Variants in DIS3L2 observed in about 807,000 individuals in gnomAD.
The protein encoded by DIS3L2 is DIS3 like 3'-5' exoribonuclease 2.
In DIS3L2, 34 loss-of-function variants were observed where a neutral mutation model predicts 97.5. The observed-to-expected ratio is 0.35, with a 90% confidence interval of 0.27 to 0.46. DIS3L2 has a LOEUF of 0.46. Ranked by LOEUF, DIS3L2 falls within the 20% of genes least tolerant of loss-of-function variation. The pLI is 1.00. For synonymous variants in DIS3L2, 435 were observed against 445.2 expected, an observed-to-expected ratio of 0.98 and a Z score of 0.29; for missense variants, 1,038 against 1,146.0, an observed-to-expected ratio of 0.91 and a Z score of 1.36.
chr2:232,116,480 T>C (rs542313288), intron 6 of DIS3L2, among the ~76,000 whole-genome samples: 75 of 152,360 alleles, frequency 4.9e-4, no homozygotes, highest in African/African-American at 1.5e-3. Flanking sequence ...CCTACTGTCA[T>C]TGATTCTTCT....
At chr2:232,075,549 G>T (rs1345429668) in intron 5 of DIS3L2, among the ~76,000 whole-genome samples, 1 of 151,990 alleles carries the variant, frequency 6.6e-6, no homozygotes, top group Non-Finnish European at 1.5e-5. Flanking sequence ...CCATATTATG[G>T]GTAACCCTCT....
intron 1 of DIS3L2, among the ~76,000 whole-genome samples, chr2:231,967,219 G>A (rs867936622): frequency 1.3e-5 from 2 of 152,200 alleles, no homozygotes; most frequent in Non-Finnish European, 2.9e-5. Flanking sequence ...TGGTAGACAC[G>A]GAGAGGTTGT....
downstream of DIS3L2, chr2:232,337,217 G>T: frequency 1.1e-6 from 1 of 900,534 alleles, no homozygotes; most frequent in Non-Finnish European, 1.3e-6. Context: ...CCATCACCCT[G>T]ACGAATGTGA....
At chr2:231,967,217 A>G (rs537886387) in intron 1 of DIS3L2, among the ~76,000 whole-genome samples, 4 of 152,348 alleles carry the variant, frequency 2.6e-5, no homozygotes, top group African/African-American at 9.6e-5. Flanking sequence ...TCTGGTAGAC[A>G]CGGAGAGGTT....
intron 14 of DIS3L2, among the ~76,000 whole-genome samples, chr2:232,326,190 A>T (rs1695567981): frequency 6.6e-6 from 1 of 152,098 alleles, no homozygotes; most frequent in South Asian, 2.1e-4. Context: ...GGGGAGAAAG[A>T]GGCTGGGCGC....
At chr2:232,335,915 ACCCCTCTCCTGCCTCCTGCGGTG>A (rs753003792) in intron 20 of DIS3L2, 41 bp downstream of exon 20, 29 of 1,548,712 alleles carry the variant, frequency 1.9e-5, no homozygotes, top group Non-Finnish European at 2.4e-5. Context: ...AGTCCTGATG[ACCCCTCTCCTGCCTCCTGCGGTG>A]CCCCTCATTC....
intron 13 of DIS3L2, among the ~76,000 whole-genome samples, chr2:232,284,848 A>C (rs188372407): frequency 6.6e-6 from 1 of 152,250 alleles, no homozygotes; most frequent in Non-Finnish European, 1.5e-5. Flanking sequence ...ATCTTTGCCA[A>C]CCTTTATCCT....
chr2:232,145,730 G>A (rs987701146), intron 8 of DIS3L2, among the ~76,000 whole-genome samples: 6 of 152,030 alleles, frequency 3.9e-5, no homozygotes, highest in African/African-American at 4.8e-5. Context: ...GCCATCCTCT[G>A]TTTTCTTAGC....
Position 232,343,308 on chromosome 2 carries a change from G to T in DIS3L2, c.1582-37G>T, listed in dbSNP as rs567526888. ...TGCAAAGGCCTAGCCACATGAAACC[G>T]CGCCTCCTCATCCAGGAGACACGGA... On this transcript the variant is annotated intron_variant, in intron 13 of 13. Transcript: ENST00000273009. 103 of 1,533,102 alleles carry T rather than the reference G, an allele frequency of 6.7e-5. 1 individual carries two copies. The South Asian group carries it at 1.1e-3, about 17-fold the overall frequency. 95.0% of individuals were successfully genotyped at this position (1,533,102 alleles called of 1,614,324 possible).
chr2:231,979,979 A>T (rs1693207176), intron 1 of DIS3L2, among the ~76,000 whole-genome samples: 1 of 152,176 alleles, frequency 6.6e-6, no homozygotes, highest in South Asian at 2.1e-4. Flanking sequence ...AAATACTTTT[A>T]AAATAATTTC....
chr2:232,094,780 A>ATC (rs1330855352), intron 6 of DIS3L2, among the ~76,000 whole-genome samples: 2 of 147,410 alleles, frequency 1.4e-5, no homozygotes, highest in Non-Finnish European at 3.0e-5. Context: ...ATTGGGGTCT[A>ATC]TCTCTCTCTC....
chr2:232,011,705 G>A (rs1479310269), intron 1 of DIS3L2, among the ~76,000 whole-genome samples: 1 of 150,446 alleles, frequency 6.6e-6, no homozygotes, highest in African/African-American at 2.5e-5. Flanking sequence ...GCCCAGGCTG[G>A]AGTGCACAGT....
chr2:232,162,088 C>CT (rs898513337), intron 8 of DIS3L2, among the ~76,000 whole-genome samples: 23 of 152,260 alleles, frequency 1.5e-4, no homozygotes, highest in African/African-American at 5.5e-4. Flanking sequence ...TTTTCTAATT[C>CT]TTTTTTTATT....
intron 5 of DIS3L2, among the ~76,000 whole-genome samples, chr2:232,044,807 A>G (rs1397284738): frequency 6.6e-6 from 1 of 152,134 alleles, no homozygotes; most frequent in Non-Finnish European, 1.5e-5. Flanking sequence ...CCAGCAAGGA[A>G]GGAGGAACAG....
intron 6 of DIS3L2, among the ~76,000 whole-genome samples, chr2:232,117,228 C>T (rs1302719088): frequency 6.6e-6 from 1 of 152,190 alleles, no homozygotes; most frequent in Non-Finnish European, 1.5e-5. Flanking sequence ...GCTCTGTTCA[C>T]CTCTCCATCA....
At chr2:232,140,269 T>G (rs530866374) in intron 8 of DIS3L2, among the ~76,000 whole-genome samples, 5 of 152,322 alleles carry the variant, frequency 3.3e-5, no homozygotes, top group African/African-American at 1.2e-4. Context: ...CTCCCATAGC[T>G]TCTATTAGTA....
intron 8 of DIS3L2, among the ~76,000 whole-genome samples, chr2:232,139,481 G>A (rs1327186206): frequency 6.6e-6 from 1 of 152,124 alleles, no homozygotes; most frequent in Non-Finnish European, 1.5e-5. Context: ...CTCGTCAGTA[G>A]TTTCAAGCAG....
intron 13 of DIS3L2, among the ~76,000 whole-genome samples, chr2:232,264,488 C>A (rs1214095103): frequency 6.6e-6 from 1 of 152,192 alleles, no homozygotes; most frequent in Non-Finnish European, 1.5e-5. Flanking sequence ...CATTGCTTGT[C>A]AGTATATTAC....
Position 232,269,968 on chromosome 2 carries a change from G to C in DIS3L2, c.1659+6528G>C, listed in dbSNP as rs1693942390. Among the ~76,000 whole-genome samples, 1 of 152,188 alleles carries C rather than the reference G, an allele frequency of 6.6e-6. No individual in the cohort carries two copies. Among genetic ancestry groups the C allele is most frequent in the South Asian group, 2.1e-4 (1 of 4,828 alleles). Reference sequence around the variant, plus strand: ...CTGAGGTAGGGACCGTGGGGTGAGAGAAGATGATGGACCGACCCAAGAGAG... The same window carrying C: ...CTGAGGTAGGGACCGTGGGGTGAGACAAGATGATGGACCGACCCAAGAGAG... On this transcript the variant is annotated intron_variant, in intron 13 of 20. Coordinates refer to ENST00000325385, the MANE Select transcript of DIS3L2 (RefSeq NM_152383.5). The surrounding 1 kb of genome is among the most constrained non-coding windows in gnomAD (Gnocchi z 4.5).
Sources: gnomAD v4.1 joint callset for allele counts (sites outside exome capture counted in the v4.1 genomes callset) on GRCh38, gnomAD v4.1.1 for gene constraint, Gnocchi (gnomAD v3.1) non-coding constraint, MANE v1.5 for transcripts, NCBI Gene and HGNC (gene_info 2026-07-23, HGNC 2026-07-21) for gene names.